Variants in CUX1 observed in about 807,000 individuals in gnomAD.
CUX1 encodes the protein cut like homeobox 1.
CUX1 carries 31 observed loss-of-function variants against 158.8 expected under a neutral mutation model. That is an observed-to-expected ratio of 0.20 (90% CI 0.15 to 0.26). The LOEUF is 0.26. Among genes scored for constraint, CUX1 ranks in the 10% least tolerant of loss-of-function variants. The pLI is 1.00. For synonymous variants in CUX1, 879 were observed against 862.1 expected (o/e 1.02, Z -0.34); for missense variants, 1,589 against 2,014.6 (o/e 0.79, Z 4.04).
rs78359248 is a variant in CUX1 at position 102,201,025 on chromosome 7, T to TAAAAAAAAAA, written c.2063-315_2063-306dup. ...CTGGACAACAGCGAGATCCTGTCGC[T>TAAAAAAAAAA]AAAAAAAAAAAAAAAAAAAAAAAAA... On this transcript the variant is annotated intron_variant, in intron 17 of 23. Coordinates refer to ENST00000292535, the MANE Select transcript of CUX1 (RefSeq NM_181552.4). The surrounding 1 kb of genome is among the most constrained non-coding windows in gnomAD (Gnocchi z 5.0). Among the ~76,000 whole-genome samples, 7 of 42,144 alleles carry TAAAAAAAAAA rather than the reference T, an allele frequency of 1.7e-4. No individual in the cohort carries two copies. Among genetic ancestry groups the TAAAAAAAAAA allele is most frequent in the African/African-American group, 7.2e-4 (7 of 9,692 alleles). 27.6% of individuals were successfully genotyped at this position (42,144 alleles called of 152,430 possible).
At chr7:102,088,343 C>A (rs1828163288) in intron 4 of CUX1, among the ~76,000 whole-genome samples, 2 of 152,094 alleles carry the variant, frequency 1.3e-5, no homozygotes, top group South Asian at 2.1e-4. Flanking sequence ...AAAATAGTTT[C>A]TTGGGTCTGC....
chr7:102,034,145 C>CAAGAAAAA (rs1821136166), intron 3 of CUX1, among the ~76,000 whole-genome samples: 1 of 48,624 alleles, frequency 2.1e-5, no homozygotes, highest in Non-Finnish European at 3.4e-5. Flanking sequence ...GACTCCATCT[C>CAAGAAAAA]AAAAAAAAAA....
chr7:101,919,534 T>C lies in CUX1; in HGVS notation c.141+3309T>C, dbSNP rs141262393. ...GCAGCCCACGATCCCCATGGCAACA[T>C]ACCTTCCAGGGCACAGCGTGGCAGA... On this transcript the variant is annotated intron_variant, in intron 2 of 23. Coordinates refer to ENST00000292535, the MANE Select transcript of CUX1 (RefSeq NM_181552.4). Among the ~76,000 whole-genome samples the C allele has an allele frequency of 1.3e-3, 202 of 152,284 alleles. 1 individual carries two copies. The highest frequency in any genetic ancestry group is 4.8e-3 in the African/African-American group (199 of 41,568).
At chr7:101,944,487 G>T (rs1585052787) in intron 2 of CUX1, among the ~76,000 whole-genome samples, 1 of 152,340 alleles carries the variant, frequency 6.6e-6, no homozygotes, top group South Asian at 2.1e-4. Context: ...CTCCGTGACT[G>T]TTTGTGGCCA....
chr7:102,227,960 T>C (rs1416549285), intron 21 of CUX1, among the ~76,000 whole-genome samples: 6 of 146,244 alleles, frequency 4.1e-5, no homozygotes, highest in African/African-American at 7.5e-5. Flanking sequence ...TCTTTTTTTT[T>C]TTTTTTTTTT....
intron 6 of CUX1, among the ~76,000 whole-genome samples, chr7:102,106,256 A>G (rs569087464): frequency 1.1e-4 from 16 of 151,732 alleles, no homozygotes; most frequent in Non-Finnish European, 1.9e-4. Context: ...CGCCCAGCTA[A>G]TTTTTGCATT....
Position 102,257,194 on chromosome 7 carries a change from T to A in CUX1, c.*8152T>A. The A allele has an allele frequency of 1.0e-6, 1 of 985,302 alleles. No homozygotes were observed. Among genetic ancestry groups the A allele is most frequent in the Non-Finnish European group, 1.2e-6 (1 of 829,920 alleles). 61.0% of individuals were successfully genotyped at this position (985,302 alleles called of 1,614,324 possible). A position where few individuals can be genotyped will look rare whatever the true frequency, so the allele number is the denominator to read the frequency against. ...ACCCCAAGGTAGGCTGGGAAGAGCA[T>A]CTCTTTCCATATCATCACCTCCCCT... On this transcript the variant is annotated 3_prime_UTR_variant, in exon 24 of 24. Transcript: ENST00000292535.
In CUX1 at chr7:101,914,259, T is replaced by G. The variant is rs910770713; in HGVS notation, c.31-1856T>G. On this transcript the variant is annotated intron_variant, in intron 1 of 23. Transcript: ENST00000292535. ...GAGAAGAGTGTGGTGTGGTGGTATC[T>G]TCCCCTCATTGCCTGGTTTGTTGTT... is the stretch of plus-strand genomic sequence containing the variant. Among the ~76,000 whole-genome samples the G allele has an allele frequency of 2.1e-4, 32 of 152,246 alleles. 2 individuals are homozygous for G. The South Asian group carries it at 4.1e-3, about 20-fold the overall frequency.
intron 1 of CUX1, among the ~76,000 whole-genome samples, chr7:101,887,915 G>A (rs886468874): frequency 1.2e-4 from 18 of 147,978 alleles, no homozygotes; most frequent in African/African-American, 4.5e-4. Context: ...GGAAAGCCCA[G>A]ATGTCGTGGT....
intron 1 of CUX1, among the ~76,000 whole-genome samples, chr7:101,823,014 A>G (rs557281480): frequency 6.6e-6 from 1 of 152,302 alleles, no homozygotes; most frequent in South Asian, 2.1e-4. Context: ...TGTTGTAATT[A>G]AATTCAGAGA....
At chr7:102,210,546 T>C (rs1318480426) in intron 20 of CUX1, among the ~76,000 whole-genome samples, 1 of 152,230 alleles carries the variant, frequency 6.6e-6, no homozygotes, top group Non-Finnish European at 1.5e-5. Context: ...GAGCGTTTCA[T>C]TGCTGTGGCT....
At chr7:101,856,836 C>T (rs890768736) in intron 1 of CUX1, among the ~76,000 whole-genome samples, 3 of 152,202 alleles carry the variant, frequency 2.0e-5, no homozygotes, top group Non-Finnish European at 2.9e-5. Context: ...GGTCCCTTTT[C>T]GGCCTCGGCC....
intron 1 of CUX1, among the ~76,000 whole-genome samples, chr7:101,825,588 C>T (rs1281670991): frequency 6.6e-6 from 1 of 152,168 alleles, no homozygotes; most frequent in Non-Finnish European, 1.5e-5. Context: ...TGTCATCCCG[C>T]AGTTTGTCAG....
chr7:101,967,281 C>T (rs942364840), intron 2 of CUX1, among the ~76,000 whole-genome samples: 2 of 152,208 alleles, frequency 1.3e-5, no homozygotes. Context: ...TCCCAAAGTG[C>T]TGGGATTACA....
intron 1 of CUX1, among the ~76,000 whole-genome samples, chr7:101,911,595 C>T (rs1022928841): frequency 7.2e-5 from 11 of 152,042 alleles, no homozygotes; most frequent in African/African-American, 2.2e-4. Context: ...GACCTTGGCC[C>T]GCCAGTGGAT....
intron 3 of CUX1, among the ~76,000 whole-genome samples, chr7:102,053,898 C>G (rs1390857462): frequency 6.6e-6 from 1 of 151,398 alleles, no homozygotes; most frequent in African/African-American, 2.4e-5. Flanking sequence ...CTGTGCCTCC[C>G]AGGTTTGAGC....
chr7:102,112,366 C>T (rs1390150026), intron 7 of CUX1, among the ~76,000 whole-genome samples: 1 of 150,936 alleles, frequency 6.6e-6, no homozygotes, highest in Non-Finnish European at 1.5e-5. Context: ...CTCAGCCTCC[C>T]GAGTAGCTGG....
chr7:102,155,292 G>A (rs868950454), intron 8 of CUX1, among the ~76,000 whole-genome samples: 1 of 151,312 alleles, frequency 6.6e-6, no homozygotes, highest in African/African-American at 2.4e-5. Flanking sequence ...GTCTATAGTC[G>A]CAGCACTTTG....
rs782375570 is a variant in CUX1, at chr7:102,205,094, A to G, written c.3074-20A>G. 2 of 1,580,314 alleles carry G rather than the reference A, an allele frequency of 1.3e-6. No individual in the cohort carries two copies. Among genetic ancestry groups the G allele is most frequent in the Non-Finnish European group, 8.7e-7 (1 of 1,150,288 alleles). The stretch of plus-strand genomic sequence containing the variant: ...CTGGGCCGCGTTCCTTCCTTTAATT[A>G]TAACCTTTTTCTACTTTAGTCCTCC... On this transcript the variant is annotated intron_variant, in intron 19 of 23. Coordinates refer to ENST00000292535, the MANE Select transcript of CUX1 (RefSeq NM_181552.4).
Sources: gnomAD v4.1 joint callset for allele counts (sites outside exome capture counted in the v4.1 genomes callset) on GRCh38, gnomAD v4.1.1 for gene constraint, Gnocchi (gnomAD v3.1) non-coding constraint, MANE v1.5 for transcripts, NCBI Gene and HGNC (gene_info 2026-07-23, HGNC 2026-07-21) for gene names.